IGDCC3: variants seen among roughly 807,000 people sequenced by gnomAD.
The protein encoded by IGDCC3 is putative neuronal cell adhesion molecule.
A neutral mutation model predicts 72.0 loss-of-function variants in IGDCC3; 47 were observed. That is an observed-to-expected ratio of 0.65 (90% CI 0.52 to 0.83). The LOEUF (loss-of-function observed/expected upper bound fraction) is 0.83, where lower values mean the gene tolerates loss of function less well. Ranked by LOEUF, IGDCC3 falls within the 40% of genes least tolerant of loss-of-function variation. The probability of loss-of-function intolerance (pLI) is 0.00; values close to 1 mark genes in which losing one functional copy is unlikely to be tolerated. For synonymous variants in IGDCC3, 477 were observed against 472.8 expected, an observed-to-expected ratio of 1.01 and a Z score of -0.11; for missense variants, 1,038 against 1,091.3, an observed-to-expected ratio of 0.95 and a Z score of 0.69.
intron 2 of IGDCC3, among the ~76,000 whole-genome samples, chr15:65,361,522 C>T (rs2091261490): frequency 6.6e-6 from 1 of 151,936 alleles, no homozygotes; most frequent in African/African-American, 2.4e-5. Flanking sequence ...CCAACTCCAG[C>T]TCTCCATTGT....
intron 2 of IGDCC3, among the ~76,000 whole-genome samples, chr15:65,354,064 C>A (rs2091195069): frequency 6.6e-6 from 1 of 152,158 alleles, no homozygotes; most frequent in African/African-American, 2.4e-5. Context: ...TGCCACCACA[C>A]CTGGCAAATT....
chr15:65,329,400 G>A lies in IGDCC3; in HGVS notation c.2195C>T (p.Pro732Leu), dbSNP rs371051361. ...PPASAAGQPD[P>L]RPTQDPAAPA... ...GACATGGGCACTCACTGTGGGTCTG[G>A]GGTCCGGCTGCCCTGCTGCGCTGGC... The change falls in exon 13 of 14, where the codon CCC (proline) becomes CTC (leucine). Residue 732 changes from proline to leucine, a missense_variant. By Grantham distance (98) the Pro-to-Leu change is moderately conservative. Transcript: ENST00000327987. This position sits in a 1 kb window ranked among gnomAD's most constrained non-coding sequence, Gnocchi z 4.1. The A allele has an allele frequency of 1.3e-6, 2 of 1,587,190 alleles. No homozygotes were observed. Among genetic ancestry groups the A allele is most frequent in the African/African-American group, 1.4e-5 (1 of 73,278 alleles).
chr15:65,333,021 C>T (rs2090992245), intron 6 of IGDCC3, among the ~76,000 whole-genome samples: 1 of 150,312 alleles, frequency 6.7e-6, no homozygotes, highest in South Asian at 2.1e-4. Flanking sequence ...ATTGACGGAC[C>T]CGGAGGGCAC....
In IGDCC3 at chr15:65,334,742, G is replaced by A; in HGVS notation, c.809C>T (p.Ser270Phe). ...VATGNPRPIV[S>F]WSRLDGRPIG... ...ATGAGGCTCACCCAGGCGGCTCCAG[G>A]ACACAATGGGGCGCGGGTTGCCCGT... Residue 270 changes from serine to phenylalanine, a missense_variant, in exon 5 of 14, where the codon TCC becomes TTC. Ser to Phe is a radical substitution (Grantham distance 155). Coordinates refer to ENST00000327987, the MANE Select transcript of IGDCC3 (RefSeq NM_004884.4). The A allele has an allele frequency of 6.3e-7, 1 of 1,581,242 alleles. No homozygotes were observed. The highest frequency in any genetic ancestry group is 8.6e-7 in the Non-Finnish European group (1 of 1,163,750).
At chr15:65,353,887 T>G (rs1209065417) in intron 2 of IGDCC3, among the ~76,000 whole-genome samples, 1 of 152,018 alleles carries the variant, frequency 6.6e-6, no homozygotes, top group African/African-American at 2.4e-5. Context: ...CTCTATGGAG[T>G]AGCCATTCTT....
chr15:65,362,873 T>A (rs1028323149), intron 2 of IGDCC3, among the ~76,000 whole-genome samples: 45 of 125,334 alleles, frequency 3.6e-4, no homozygotes, highest in African/African-American at 1.1e-3. Context: ...TTTTTTTTTT[T>A]AGACAGAGTC....
chr15:65,331,408 G>A lies in IGDCC3; in HGVS notation c.1396+4C>T. ...GAAGGGGCAACAGAGCTGGCCACGC[G>A]CACCAGCAGCCTTCCTGATGTGCAG... On this transcript the variant is annotated splice_donor_region_variant and intron_variant, in intron 8 of 13. Transcript: ENST00000327987. 1.3e-6 allele frequency: 2 copies of A among 1,597,440 alleles called. No individual in the cohort carries two copies. Among genetic ancestry groups the A allele is most frequent in the Non-Finnish European group, 1.7e-6 (2 of 1,169,652 alleles).
intron 2 of IGDCC3, among the ~76,000 whole-genome samples, chr15:65,345,924 T>A (rs1050126683): frequency 6.6e-6 from 1 of 152,184 alleles, no homozygotes; most frequent in Non-Finnish European, 1.5e-5. Flanking sequence ...TCTCTTTACC[T>A]TCATCACAAA....
Position 65,331,657 on chromosome 15 carries a change from G to C in IGDCC3, c.1151C>G (p.Thr384Arg). 6.3e-7 allele frequency: 1 copy of C among 1,598,606 alleles called. No homozygotes were observed. Among genetic ancestry groups the C allele is most frequent in the Admixed American group, 1.7e-5 (1 of 59,320 alleles). ...AGGACCGATTCCAGAAATGGTCAGT[G>C]TGCTGCAGGGGAGAGAGACAGCCTC... is the stretch of plus-strand genomic sequence containing the variant. ...GHVRLKNNNS[T>R]LTISGIGPED... Residue 384 changes from threonine (T) to arginine (R), a missense_variant and splice_region_variant, in exon 8 of 14, where the codon ACA (threonine) becomes AGA (arginine). By Grantham distance (71) the Thr-to-Arg change is moderately conservative. Coordinates refer to ENST00000327987, the MANE Select transcript of IGDCC3 (RefSeq NM_004884.4).
intron 2 of IGDCC3, among the ~76,000 whole-genome samples, chr15:65,337,783 C>A (rs2091044478): frequency 6.6e-6 from 1 of 152,142 alleles, no homozygotes; most frequent in African/African-American, 2.4e-5. Flanking sequence ...CTGTCTACAT[C>A]CCCCAGGCCC....
intron 3 of IGDCC3, 135 bp from the exon 4 acceptor site, chr15:65,335,556 C>A (rs1301036653): frequency 2.5e-5 from 25 of 995,860 alleles, no homozygotes; most frequent in Non-Finnish European, 1.5e-6. Context: ...CACACTGGGA[C>A]TTTCAAAGGT....
At chr15:65,375,713 A>C (rs2091355030) in intron 1 of IGDCC3, among the ~76,000 whole-genome samples, 1 of 152,216 alleles carries the variant, frequency 6.6e-6, no homozygotes, top group Non-Finnish European at 1.5e-5. Context: ...CACAGTCAGT[A>C]GTTGCAAAAC....
intron 2 of IGDCC3, among the ~76,000 whole-genome samples, chr15:65,359,386 T>C (rs2091246516): frequency 6.6e-6 from 1 of 152,206 alleles, no homozygotes; most frequent in Non-Finnish European, 1.5e-5. Context: ...AGAGGCATGC[T>C]TCTTAGCATG....
At chr15:65,349,603 G>A (rs1325590022) in intron 2 of IGDCC3, among the ~76,000 whole-genome samples, 1 of 152,154 alleles carries the variant, frequency 6.6e-6, no homozygotes, top group African/African-American at 2.4e-5. Context: ...TTTTCAAGAT[G>A]ACTCAGCAAG....
At chr15:65,335,694 A>G (rs2091022173) in intron 3 of IGDCC3, 118 bp downstream of exon 3, 16 of 1,198,056 alleles carry the variant, frequency 1.3e-5, no homozygotes, top group Non-Finnish European at 1.8e-5. Flanking sequence ...AAACACCACT[A>G]TCTCAGGCAC....
At chr15:65,358,157 G>C (rs760647306) in intron 2 of IGDCC3, among the ~76,000 whole-genome samples, 6 of 150,404 alleles carry the variant, frequency 4.0e-5, no homozygotes, top group South Asian at 2.1e-4. Context: ...CCAGGCTGGA[G>C]TACGGTGGCG....
Position 65,329,902 on chromosome 15 carries a change from G to A in IGDCC3, c.1859-38C>T, listed in dbSNP as rs1488957253. 6.2e-7 allele frequency: 1 copy of A among 1,611,698 alleles called. No homozygotes were observed. Among genetic ancestry groups the A allele is most frequent in the Non-Finnish European group, 8.5e-7 (1 of 1,179,052 alleles). ...ACGGGTTGGAGGCTTTGGCTCTCCAGGTCTGAAGCACTCCCAAACACCCAG... is the reference window on the plus strand; with the variant it reads ...ACGGGTTGGAGGCTTTGGCTCTCCAAGTCTGAAGCACTCCCAAACACCCAG... On this transcript the variant is annotated intron_variant, in intron 11 of 13. Coordinates refer to ENST00000327987, the MANE Select transcript of IGDCC3 (RefSeq NM_004884.4). The surrounding 1 kb of genome is among the most constrained non-coding windows in gnomAD (Gnocchi z 4.1).
chr15:65,370,640 ATATATAT>A (rs1156246926), intron 2 of IGDCC3, among the ~76,000 whole-genome samples: 1 of 144,998 alleles, frequency 6.9e-6, no homozygotes, highest in African/African-American at 2.5e-5. Context: ...ATATATATAT[ATATATAT>A]AAAATTAGTA....
intron 6 of IGDCC3, 108 bp downstream of exon 6, chr15:65,333,149 G>A (rs1479923761): frequency 1.1e-5 from 12 of 1,099,872 alleles, no homozygotes; most frequent in Admixed American, 5.5e-5. Flanking sequence ...GGGGCAGGGC[G>A]AGTCCAGGAG....
Sources: gnomAD v4.1 joint callset for allele counts (sites outside exome capture counted in the v4.1 genomes callset) on GRCh38, gnomAD v4.1.1 for gene constraint, Gnocchi (gnomAD v3.1) non-coding constraint, MANE v1.5 for transcripts, NCBI Gene and HGNC (gene_info 2026-07-23, HGNC 2026-07-21) for gene names.